Variants in STPG2 observed in about 807,000 individuals in gnomAD.
STPG2 encodes sperm tail PG-rich repeat containing 2, also known as sperm-tail PG-rich repeat-containing protein 2.
Under a neutral mutation model 54.2 loss-of-function variants are expected in STPG2, and 56 were observed. That is an observed-to-expected ratio of 1.03 (90% CI 0.83 to 1.29). The LOEUF (loss-of-function observed/expected upper bound fraction) is 1.29. Ranked by LOEUF, STPG2 falls within the 50% of genes most tolerant of loss-of-function variation. STPG2 has a pLI of 0.00. For synonymous variants in STPG2, 200 were observed against 181.8 expected (o/e 1.10, Z -0.81); for missense variants, 596 against 544.9 (o/e 1.09, Z -0.93).
intron 9 of STPG2, among the ~76,000 whole-genome samples, chr4:97,725,725 A>T (rs1724602524): frequency 6.6e-6 from 1 of 151,916 alleles, no homozygotes; most frequent in Non-Finnish European, 1.5e-5. Context: ...AAATGCTGAA[A>T]ACAAATTACA....
intron 7 of STPG2, among the ~76,000 whole-genome samples, chr4:97,952,980 T>C (rs562071250): frequency 6.6e-6 from 1 of 152,100 alleles, no homozygotes; most frequent in Non-Finnish European, 1.5e-5. Flanking sequence ...AGTGGTGGGA[T>C]TTGTACTTGC....
chr4:97,732,174 C>T (rs922616620), intron 9 of STPG2, among the ~76,000 whole-genome samples: 4 of 152,176 alleles, frequency 2.6e-5, no homozygotes, highest in Non-Finnish European at 2.9e-5. Flanking sequence ...CGCATTTTGC[C>T]GCAGCTGCCC....
At chr4:98,012,589 A>G (rs1054268388) in intron 5 of STPG2, among the ~76,000 whole-genome samples, 10 of 152,108 alleles carry the variant, frequency 6.6e-5, no homozygotes, top group Admixed American at 2.0e-4. Flanking sequence ...TGAGGATGGG[A>G]TGTTTTTCCA....
chr4:97,442,075 C>T (rs1223938608), intron 4 of STPG2, among the ~76,000 whole-genome samples: 1 of 151,254 alleles, frequency 6.6e-6, no homozygotes, highest in African/African-American at 2.4e-5. Context: ...GCTTCAGGTA[C>T]GTGAGACTAC....
At chr4:97,957,078 T>G (rs1037728260) in intron 7 of STPG2, among the ~76,000 whole-genome samples, 1 of 151,236 alleles carries the variant, frequency 6.6e-6, no homozygotes, top group African/African-American at 2.4e-5. Context: ...TAAATATATA[T>G]ATATGTGAAA....
intron 9 of STPG2, among the ~76,000 whole-genome samples, chr4:97,770,167 C>T (rs4106941): frequency 0.26 from 40,103 of 151,932 alleles, 5,689 homozygotes; most frequent in Middle Eastern, 0.35. Context: ...GCTGAGATCA[C>T]GCCACTGGAC....
At chr4:97,876,840 C>G (rs1034580480) in intron 8 of STPG2, among the ~76,000 whole-genome samples, 3 of 151,822 alleles carry the variant, frequency 2.0e-5, no homozygotes, top group Non-Finnish European at 4.4e-5. Context: ...TCTATGTTTT[C>G]TTAGCCTGGA....
chr4:97,743,648 A>G (rs1725335934), intron 9 of STPG2, among the ~76,000 whole-genome samples: 1 of 151,672 alleles, frequency 6.6e-6, no homozygotes, highest in Non-Finnish European at 1.5e-5. Context: ...AGGGGATACA[A>G]AGAGGAAAAA....
chr4:97,990,473 A>G (rs929272669), intron 5 of STPG2, among the ~76,000 whole-genome samples: 2 of 152,148 alleles, frequency 1.3e-5, no homozygotes, highest in African/African-American at 4.8e-5. Context: ...AATTGTGACC[A>G]AAAGACAACC....
At chr4:98,135,417 G>A (rs1466517163) in intron 1 of STPG2, among the ~76,000 whole-genome samples, 3 of 151,756 alleles carry the variant, frequency 2.0e-5, no homozygotes, top group Non-Finnish European at 3.0e-5. Context: ...TAAAAGAGGT[G>A]AGCAAAATAT....
chr4:97,739,758 G>C (rs1158317089), intron 9 of STPG2, among the ~76,000 whole-genome samples: 1 of 152,182 alleles, frequency 6.6e-6, no homozygotes, highest in Non-Finnish European at 1.5e-5. Flanking sequence ...GGACCAGATG[G>C]ATTCACAGCC....
intron 10 of STPG2, among the ~76,000 whole-genome samples, chr4:97,561,838 T>C (rs1396616998): frequency 7.9e-5 from 12 of 152,082 alleles, no homozygotes; most frequent in African/African-American, 1.9e-4. Context: ...GTTTTGGTTA[T>C]TGTAGCCTTG....
At chr4:97,598,482 AGCTGCAG>A (rs1286901337) in intron 10 of STPG2, among the ~76,000 whole-genome samples, 1 of 152,020 alleles carries the variant, frequency 6.6e-6, no homozygotes, top group Non-Finnish European at 1.5e-5. Flanking sequence ...CAAAAACCAA[AGCTGCAG>A]GCTTCACACT....
intron 4 of STPG2, among the ~76,000 whole-genome samples, chr4:97,476,525 G>C (rs767965172): frequency 1.3e-5 from 2 of 151,848 alleles, no homozygotes; most frequent in Non-Finnish European, 2.9e-5. Context: ...ATATTGCATT[G>C]TTTAGAATCT....
chr4:97,740,261 T>C (rs1578523374), intron 9 of STPG2, among the ~76,000 whole-genome samples: 1 of 152,324 alleles, frequency 6.6e-6, no homozygotes, highest in East Asian at 1.9e-4. Flanking sequence ...AATATCACAC[T>C]GAATGGGCAA....
At chr4:97,961,805 C>A (rs1396033718) in intron 7 of STPG2, among the ~76,000 whole-genome samples, 1 of 152,180 alleles carries the variant, frequency 6.6e-6, no homozygotes, top group African/African-American at 2.4e-5. Flanking sequence ...ATCGAGATTT[C>A]ATTAAAAACT....
intron 9 of STPG2, among the ~76,000 whole-genome samples, chr4:97,786,055 A>C (rs1024721059): frequency 6.6e-6 from 1 of 152,130 alleles, no homozygotes; most frequent in African/African-American, 2.4e-5. Flanking sequence ...ACACACAATA[A>C]AACATTTGCC....
At chr4:97,960,047 G>C (rs928289142) in intron 7 of STPG2, among the ~76,000 whole-genome samples, 1 of 152,068 alleles carries the variant, frequency 6.6e-6, no homozygotes, top group African/African-American at 2.4e-5. Flanking sequence ...TTTAATATAT[G>C]CAAGTCAATA....
rs2149163977 is a variant in STPG2 at position 97,880,339 on chromosome 4, A to G, written c.1045-39407T>C. 2.6e-5 allele frequency among the ~76,000 whole-genome samples: 4 copies of G among 152,360 alleles called. No individual in the cohort carries two copies. In the Middle Eastern group the frequency reaches 0.014, roughly 518 times the overall value. ...ATTTAAATAATAACAATAAAAAAGCAGAGCAAGCAAAATAGCAACTGGCAA... is the reference window on the plus strand; with the variant it reads ...ATTTAAATAATAACAATAAAAAAGCGGAGCAAGCAAAATAGCAACTGGCAA... On this transcript the variant is annotated intron_variant, in intron 8 of 10. Transcript: ENST00000295268.
Sources: gnomAD v4.1 joint callset for allele counts (sites outside exome capture counted in the v4.1 genomes callset) on GRCh38, gnomAD v4.1.1 for gene constraint, MANE v1.5 for transcripts, NCBI Gene and HGNC (gene_info 2026-07-23, HGNC 2026-07-21) for gene names.